The following CSRNP3 variants were observed in gnomAD, a reference collection of about 807,000 sequenced individuals.
The protein encoded by CSRNP3 is cysteine/serine-rich nuclear protein 3.
CSRNP3 carries 12 observed loss-of-function variants against 48.0 expected under a neutral mutation model. That is an observed-to-expected ratio of 0.25 (90% CI 0.16 to 0.41). CSRNP3 has a LOEUF of 0.41. Ranked by LOEUF, CSRNP3 falls within the 10% of genes least tolerant of loss-of-function variation. The pLI, the probability that CSRNP3 is intolerant of heterozygous loss-of-function variation, is 1.00. For missense variants in CSRNP3, 580 were observed against 724.4 expected, an observed-to-expected ratio of 0.80 and a Z score of 2.29; for synonymous variants, 263 against 269.7, an observed-to-expected ratio of 0.98 and a Z score of 0.24.
At chr2:165,583,769 A>C (rs984940678) in intron 3 of CSRNP3, among the ~76,000 whole-genome samples, 1 of 152,190 alleles carries the variant, frequency 6.6e-6, no homozygotes, top group African/African-American at 2.4e-5. Flanking sequence ...GTCATAAATG[A>C]CAGTAAGTTA....
chr2:165,537,455 G>T (rs1684895951), intron 3 of CSRNP3, among the ~76,000 whole-genome samples: 1 of 149,296 alleles, frequency 6.7e-6, no homozygotes, highest in Admixed American at 6.8e-5. Context: ...CTATTTATCT[G>T]ATCTATCAAA....
intron 1 of CSRNP3, among the ~76,000 whole-genome samples, chr2:165,480,157 C>T (rs1684020501): frequency 6.6e-6 from 1 of 152,206 alleles, no homozygotes; most frequent in African/African-American, 2.4e-5. Context: ...TCCTACTTCA[C>T]GTCAGCCACA....
intron 3 of CSRNP3, among the ~76,000 whole-genome samples, chr2:165,531,254 C>G (rs911448424): frequency 6.6e-6 from 1 of 152,154 alleles, no homozygotes; most frequent in Non-Finnish European, 1.5e-5. Flanking sequence ...CTATCCTTAT[C>G]TTCCTACTCC....
intron 4 of CSRNP3, among the ~76,000 whole-genome samples, chr2:165,625,086 TC>T (rs1417959475): frequency 6.6e-6 from 1 of 152,176 alleles, no homozygotes; most frequent in Non-Finnish European, 1.5e-5. Flanking sequence ...AAATCGTGAC[TC>T]CCATCATTTT....
At chr2:165,568,690 C>T (rs1443596561) in intron 3 of CSRNP3, among the ~76,000 whole-genome samples, 1 of 152,050 alleles carries the variant, frequency 6.6e-6, no homozygotes, top group African/African-American at 2.4e-5. Context: ...AAGCAAATCA[C>T]TCAGACCAAC....
chr2:165,646,662 G>A (rs1384848439), intron 4 of CSRNP3, among the ~76,000 whole-genome samples: 1 of 152,092 alleles, frequency 6.6e-6, no homozygotes. Context: ...GTAATGAATT[G>A]CATTGCCCTC....
chr2:165,510,391 TTATAA>T (rs779419431), intron 2 of CSRNP3, among the ~76,000 whole-genome samples: 2 of 152,168 alleles, frequency 1.3e-5, no homozygotes, highest in Non-Finnish European at 2.9e-5. Flanking sequence ...TTTCTTGGGA[TTATAA>T]TATAATACTA....
At chr2:165,509,781 C>T (rs1195282905) in intron 2 of CSRNP3, among the ~76,000 whole-genome samples, 1 of 152,108 alleles carries the variant, frequency 6.6e-6, no homozygotes, top group East Asian at 1.9e-4. Flanking sequence ...ACAGACTCTT[C>T]AGCTTTCACA....
Position 165,542,463 on chromosome 2 carries a change from TC to T in CSRNP3, c.-24+24504del, listed in dbSNP as rs369445723. 6.0e-3 allele frequency among the ~76,000 whole-genome samples: 907 copies of T among 152,250 alleles called. 11 individuals carry two copies. The highest frequency in any genetic ancestry group is 0.021 in the African/African-American group (859 of 41,562). ...ATAAACATATAATAAACAAAAGGGC[TC>T]CAACAATTCATAATATAATGTAAAC... On this transcript the variant is annotated intron_variant, in intron 3 of 6. Coordinates refer to ENST00000651982, the MANE Select transcript of CSRNP3 (RefSeq NM_001172173.2).
At chr2:165,514,167 A>T (rs962247648) in intron 2 of CSRNP3, among the ~76,000 whole-genome samples, 13 of 152,232 alleles carry the variant, frequency 8.5e-5, no homozygotes, top group African/African-American at 3.1e-4. Context: ...AACTCCTCAA[A>T]CATTTTTTAT....
chr2:165,684,738 T>C lies in CSRNP3; in HGVS notation c.*4985T>C, dbSNP rs1010966546. 2 of 152,082 alleles carry C rather than the reference T, an allele frequency of 1.3e-5. No individual in the cohort carries two copies. The highest frequency in any genetic ancestry group is 2.9e-5 in the Non-Finnish European group (2 of 67,998). 9.4% of individuals were successfully genotyped at this position (152,082 alleles called of 1,614,324 possible). A position where few individuals can be genotyped will look rare whatever the true frequency, so the allele number is the denominator to read the frequency against. On this transcript the variant is annotated 3_prime_UTR_variant, in exon 7 of 7. Coordinates refer to ENST00000651982, the MANE Select transcript of CSRNP3 (RefSeq NM_001172173.2). ...GTAGTAAAGAATTTGATTGACTTAA[T>C]TGAATATCAGCAATTTTAATACCCA...
At chr2:165,487,492 G>T (rs1311831359) in intron 1 of CSRNP3, among the ~76,000 whole-genome samples, 2 of 144,758 alleles carry the variant, frequency 1.4e-5, no homozygotes, top group African/African-American at 2.6e-5. Context: ...ACACATAATT[G>T]TCAGATTCAC....
chr2:165,479,889 A>C (rs867356847), intron 1 of CSRNP3, among the ~76,000 whole-genome samples: 3 of 152,070 alleles, frequency 2.0e-5, no homozygotes, highest in South Asian at 2.1e-4. Context: ...TCTCAAAAAA[A>C]AAAAAAAAAT....
intron 4 of CSRNP3, among the ~76,000 whole-genome samples, chr2:165,606,939 T>C (rs1686039165): frequency 6.6e-6 from 1 of 152,126 alleles, no homozygotes; most frequent in Non-Finnish European, 1.5e-5. Flanking sequence ...TGGATGGGAT[T>C]GCCTTAGCTA....
At chr2:165,603,341 C>T (rs1685949729) in intron 4 of CSRNP3, among the ~76,000 whole-genome samples, 1 of 152,114 alleles carries the variant, frequency 6.6e-6, no homozygotes, top group Admixed American at 6.5e-5. Context: ...TTTCCTTGAG[C>T]ACTCTGACCT....
intron 4 of CSRNP3, among the ~76,000 whole-genome samples, chr2:165,614,019 C>T (rs1686187461): frequency 6.6e-6 from 1 of 151,082 alleles, no homozygotes; most frequent in East Asian, 2.0e-4. Context: ...ATGAATTCTT[C>T]CAATCTGTGA....
chr2:165,536,096 A>G lies in CSRNP3; in HGVS notation c.-24+18135A>G, dbSNP rs577250178. The stretch of plus-strand genomic sequence containing the variant: ...ACAGTCTGGTTTTGAACTCCAAGCT[A>G]TATGCACATTTGTGTGCCAATAATA... On this transcript the variant is annotated intron_variant, in intron 3 of 6. Coordinates refer to ENST00000651982, the MANE Select transcript of CSRNP3 (RefSeq NM_001172173.2). Among the ~76,000 whole-genome samples, 8 of 152,082 alleles carry G rather than the reference A, an allele frequency of 5.3e-5. No homozygotes were observed. The South Asian group carries it at 1.4e-3, about 28-fold the overall frequency.
chr2:165,541,904 A>G (rs1182807269), intron 3 of CSRNP3, among the ~76,000 whole-genome samples: 2 of 152,106 alleles, frequency 1.3e-5, no homozygotes, highest in Non-Finnish European at 2.9e-5. Context: ...TATTTTTATC[A>G]TGTCCTAAAA....
intron 4 of CSRNP3, among the ~76,000 whole-genome samples, chr2:165,639,069 A>G (rs1686681494): frequency 6.6e-6 from 1 of 152,214 alleles, no homozygotes; most frequent in African/African-American, 2.4e-5. Flanking sequence ...CATTAAACTT[A>G]TGACCAACAA....
Sources: gnomAD v4.1 joint callset for allele counts (sites outside exome capture counted in the v4.1 genomes callset) on GRCh38, gnomAD v4.1.1 for gene constraint, MANE v1.5 for transcripts, NCBI Gene and HGNC (gene_info 2026-07-23, HGNC 2026-07-21) for gene names.